The following PLAC1 variants were observed in gnomAD, a reference collection of about 807,000 sequenced individuals.
The protein encoded by PLAC1 is placenta-specific protein 1.
For missense variants in PLAC1, 136 were observed against 163.2 expected, an observed-to-expected ratio of 0.83 and a Z score of 0.91; for synonymous variants, 68 against 62.1, an observed-to-expected ratio of 1.09 and a Z score of -0.44.
chrX:134,624,493 T>C (rs190633060), intron 1 of PLAC1, among the ~76,000 whole-genome samples: 81 of 112,581 alleles, frequency 7.2e-4, no homozygotes, highest in Middle Eastern at 4.6e-3. Flanking sequence ...TCTCAAAGCC[T>C]ACTATAATGA....
chrX:134,670,392 T>TGCA (rs1475780344), intron 2 of PLAC1, among the ~76,000 whole-genome samples: 3 of 111,902 alleles, frequency 2.7e-5, no homozygotes, highest in East Asian at 5.6e-4. Context: ...GGTCAATGTT[T>TGCA]GCAGAAAATG....
At chrX:134,669,364 A>G (rs1156249301) in intron 2 of PLAC1, among the ~76,000 whole-genome samples, 1 of 112,288 alleles carries the variant, frequency 8.9e-6, no homozygotes, top group Non-Finnish European at 1.9e-5. Context: ...CAAGTTACTT[A>G]ACCTCTGAAT....
intron 2 of PLAC1, among the ~76,000 whole-genome samples, chrX:134,570,767 A>C (rs1251827944): frequency 8.9e-6 from 1 of 111,827 alleles, no homozygotes; most frequent in Admixed American, 9.5e-5. Context: ...TACAGAGTAC[A>C]AGTAGCTTTC....
At chrX:134,719,795 AAAAC>A (rs1196338809) in intron 2 of PLAC1, among the ~76,000 whole-genome samples, 1 of 111,613 alleles carries the variant, frequency 9.0e-6, no homozygotes, top group Non-Finnish European at 1.9e-5. Context: ...GTTTCAATGA[AAAAC>A]AAACAAACAA....
chrX:134,697,737 G>A (rs761736978), intron 2 of PLAC1, among the ~76,000 whole-genome samples: 8 of 111,532 alleles, frequency 7.2e-5, no homozygotes, highest in South Asian at 3.8e-4. Flanking sequence ...GCATAGTGGC[G>A]CGTGCCTGTA....
chrX:134,588,998 G>A (rs961325648), intron 2 of PLAC1, among the ~76,000 whole-genome samples: 1 of 111,557 alleles, frequency 9.0e-6, no homozygotes, highest in African/African-American at 3.3e-5. Flanking sequence ...ATGTGTGAGA[G>A]GCTAAACAGG....
At chrX:134,590,019 A>C (rs111348269) in intron 2 of PLAC1, among the ~76,000 whole-genome samples, 2,685 of 74,693 alleles carry the variant, frequency 0.036, 63 homozygotes, top group African/African-American at 0.11. Context: ...CATGGTGAAA[A>C]CCCATCTGTA....
At chrX:134,705,148 C>A (rs1421852404) in intron 2 of PLAC1, among the ~76,000 whole-genome samples, 1 of 105,090 alleles carries the variant, frequency 9.5e-6, no homozygotes, top group Non-Finnish European at 1.9e-5. Context: ...CGGCCAGGCA[C>A]GGTGGCTCAC....
rs768530548 is a variant in PLAC1 at position 134,565,926 on chromosome X, G to A, written c.*118C>T. ...AGGCTTAATTCATGAAGTTGCTATA[G>A]GTTTCTCTTTCTCAAAAGTGCTCAC... On this transcript the variant is annotated 3_prime_UTR_variant, in exon 3 of 3. Transcript: ENST00000359237. The A allele has an allele frequency of 4.4e-5, 23 of 524,552 alleles. No homozygotes were observed. In the South Asian group the frequency reaches 6.8e-4, roughly 16 times the overall value. 43.2% of individuals were successfully genotyped at this position (524,552 alleles called of 1,213,427 possible).
chrX:134,619,128 T>C (rs1279077283), intron 1 of PLAC1, among the ~76,000 whole-genome samples: 2 of 112,162 alleles, frequency 1.8e-5, no homozygotes, highest in African/African-American at 6.5e-5. Flanking sequence ...TGAAGCTGCA[T>C]ACTTTAGGAC....
At chrX:134,685,614 G>T (rs1353462436) in intron 2 of PLAC1, among the ~76,000 whole-genome samples, 1 of 110,141 alleles carries the variant, frequency 9.1e-6, no homozygotes, top group Non-Finnish European at 1.9e-5. Flanking sequence ...TCTAAGAAAC[G>T]CAAGGCTTAA....
At chrX:134,705,025 C>A (rs1305106404) in intron 2 of PLAC1, among the ~76,000 whole-genome samples, 1 of 97,344 alleles carries the variant, frequency 1.0e-5, no homozygotes, top group African/African-American at 4.2e-5. Context: ...TATATATACA[C>A]ACACACACAC....
At chrX:134,611,496 GAT>G (rs201826945) in intron 1 of PLAC1, among the ~76,000 whole-genome samples, 1 of 66,697 alleles carries the variant, frequency 1.5e-5, no homozygotes, top group Non-Finnish European at 2.6e-5. Context: ...TATATATATA[GAT>G]ATATATATAC....
intron 2 of PLAC1, among the ~76,000 whole-genome samples, chrX:134,687,845 T>C (rs1292337522): frequency 2.6e-5 from 2 of 77,792 alleles, no homozygotes; most frequent in African/African-American, 5.2e-5. Context: ...TATATATATA[T>C]ATATATATAT....
At chrX:134,709,260 G>GA (rs2078620382) in intron 2 of PLAC1, among the ~76,000 whole-genome samples, 1 of 112,195 alleles carries the variant, frequency 8.9e-6, no homozygotes, top group South Asian at 3.7e-4. Flanking sequence ...AAGGCATCAA[G>GA]AATATACAAG....
At chrX:134,700,252 T>G (rs1014115682) in intron 2 of PLAC1, among the ~76,000 whole-genome samples, 1 of 112,004 alleles carries the variant, frequency 8.9e-6, no homozygotes, top group Non-Finnish European at 1.9e-5. Flanking sequence ...GAGCAAAAGA[T>G]TTGTCTATCT....
intron 1 of PLAC1, among the ~76,000 whole-genome samples, chrX:134,619,988 G>A (rs750590719): frequency 5.3e-5 from 6 of 112,261 alleles, no homozygotes; most frequent in East Asian, 2.8e-4. Context: ...TGTCACTGGA[G>A]GGTGGACAGT....
chrX:134,737,903 G>A (rs1210468909), intron 1 of PLAC1, among the ~76,000 whole-genome samples: 1 of 112,321 alleles, frequency 8.9e-6, no homozygotes, highest in Non-Finnish European at 1.9e-5. Context: ...TGATTTAGAA[G>A]TGAGCATGGA....
chrX:134,756,571 C>G (rs1406804501), intron 1 of PLAC1, among the ~76,000 whole-genome samples: 1 of 110,475 alleles, frequency 9.1e-6, no homozygotes, highest in Non-Finnish European at 1.9e-5. Flanking sequence ...CATTTTCGGC[C>G]GGGCGCGGTG....
Sources: gnomAD v4.1 joint callset for allele counts (sites outside exome capture counted in the v4.1 genomes callset) on GRCh38, gnomAD v4.1.1 for gene constraint, MANE v1.5 for transcripts, NCBI Gene and HGNC (gene_info 2026-07-23, HGNC 2026-07-21) for gene names.